The following CTNNA3 variants were observed in gnomAD, a reference collection of about 807,000 sequenced individuals.
CTNNA3 encodes catenin alpha-3.
Under a neutral mutation model 95.7 loss-of-function variants are expected in CTNNA3, and 76 were observed. That is an observed-to-expected ratio of 0.79 (90% CI 0.66 to 0.96). The LOEUF is 0.96. CTNNA3 is among the 40% of genes least tolerant of loss of function. The pLI is 0.00. For synonymous variants in CTNNA3, 431 were observed against 374.4 expected (o/e 1.15, Z -1.74); for missense variants, 1,191 against 1,089.8 (o/e 1.09, Z -1.31).
intron 5 of CTNNA3, among the ~76,000 whole-genome samples, chr10:67,340,925 G>A (rs1842161126): frequency 6.6e-6 from 1 of 152,106 alleles, no homozygotes; most frequent in Non-Finnish European, 1.5e-5. Context: ...CATATTAAAG[G>A]GATGGAGGAA....
chr10:66,015,257 C>A (rs2079072884), intron 15 of CTNNA3, among the ~76,000 whole-genome samples: 1 of 152,036 alleles, frequency 6.6e-6, no homozygotes, highest in South Asian at 2.1e-4. Flanking sequence ...TTAACCATAT[C>A]AACACCTAAT....
chr10:66,266,822 C>T (rs1010175584), intron 13 of CTNNA3, among the ~76,000 whole-genome samples: 1 of 151,906 alleles, frequency 6.6e-6, no homozygotes, highest in South Asian at 2.1e-4. Flanking sequence ...ATTAGTATTA[C>T]CTGTATCACT....
chr10:66,667,562 A>T (rs995925147), intron 9 of CTNNA3, among the ~76,000 whole-genome samples: 12 of 152,044 alleles, frequency 7.9e-5, no homozygotes, highest in African/African-American at 2.9e-4. Context: ...TTATTTGTAC[A>T]CTCTGAGAAA....
chr10:66,764,363 G>A (rs1369375763), intron 9 of CTNNA3, among the ~76,000 whole-genome samples: 2 of 152,150 alleles, frequency 1.3e-5, no homozygotes, highest in Non-Finnish European at 2.9e-5. Context: ...CTCGAAGGTA[G>A]TGTCTTAGTA....
At chr10:66,442,188 C>A (rs72791534) in intron 11 of CTNNA3, among the ~76,000 whole-genome samples, 7,509 of 152,090 alleles carry the variant, frequency 0.049, 263 homozygotes, top group East Asian at 0.11. Context: ...TTATAAGTAA[C>A]CCTGTAGCAA....
At chr10:67,146,127 T>C (rs189906253) in intron 7 of CTNNA3, among the ~76,000 whole-genome samples, 13 of 152,284 alleles carry the variant, frequency 8.5e-5, no homozygotes, top group Admixed American at 6.5e-4. Flanking sequence ...TCAGATACTT[T>C]CTTGAAATTT....
intron 13 of CTNNA3, among the ~76,000 whole-genome samples, chr10:66,229,391 T>C (rs1455375192): frequency 6.6e-6 from 1 of 152,192 alleles, no homozygotes; most frequent in East Asian, 1.9e-4. Context: ...TCTTATGCAA[T>C]TCACGTGGGG....
At chr10:67,703,464 G>T (rs994335883) in intron 1 of CTNNA3, among the ~76,000 whole-genome samples, 2 of 152,112 alleles carry the variant, frequency 1.3e-5, no homozygotes, top group Non-Finnish European at 2.9e-5. Context: ...TGCAAGGCTG[G>T]TTCAATATAC....
chr10:66,478,399 T>C (rs973935660), intron 11 of CTNNA3, among the ~76,000 whole-genome samples: 3 of 152,066 alleles, frequency 2.0e-5, no homozygotes, highest in Non-Finnish European at 2.9e-5. Flanking sequence ...ATATTAAGCA[T>C]GTTCAGCTTT....
chr10:66,853,761 T>C (rs946589363), intron 7 of CTNNA3, among the ~76,000 whole-genome samples: 2 of 152,088 alleles, frequency 1.3e-5, no homozygotes, highest in Non-Finnish European at 1.5e-5. Flanking sequence ...CAAGCAATCA[T>C]TTTATTTTTC....
chr10:66,831,434 A>G (rs1281379185), intron 7 of CTNNA3, among the ~76,000 whole-genome samples: 1 of 152,094 alleles, frequency 6.6e-6, no homozygotes, highest in South Asian at 2.1e-4. Context: ...AACATTTCCT[A>G]TGCCCAATCC....
At chr10:67,339,716 T>TAA (rs1402693412) in intron 5 of CTNNA3, among the ~76,000 whole-genome samples, 7 of 152,334 alleles carry the variant, frequency 4.6e-5, no homozygotes, top group African/African-American at 1.7e-4. Flanking sequence ...AATACTCTTA[T>TAA]GTTGAAATAG....
intron 10 of CTNNA3, among the ~76,000 whole-genome samples, chr10:66,616,724 C>A (rs1478608415): frequency 6.6e-6 from 1 of 152,060 alleles, no homozygotes; most frequent in South Asian, 2.1e-4. Flanking sequence ...AAACTCAGGG[C>A]CACCCTATTA....
At chr10:66,932,187 T>C (rs1200229791) in intron 7 of CTNNA3, among the ~76,000 whole-genome samples, 3 of 152,192 alleles carry the variant, frequency 2.0e-5, no homozygotes, top group African/African-American at 7.2e-5. Flanking sequence ...GAGGTGATGA[T>C]TCATGGATAA....
chr10:66,155,603 C>T (rs781365325), intron 13 of CTNNA3, among the ~76,000 whole-genome samples: 10 of 151,626 alleles, frequency 6.6e-5, no homozygotes, highest in East Asian at 3.9e-4. Context: ...CTGTGGGGAG[C>T]GGAGGACCAT....
intron 7 of CTNNA3, among the ~76,000 whole-genome samples, chr10:67,126,818 C>G (rs1009078722): frequency 6.6e-6 from 1 of 152,190 alleles, no homozygotes; most frequent in Non-Finnish European, 1.5e-5. Flanking sequence ...CAATGAGACA[C>G]TCTGAGCCTT....
At chr10:67,691,042 C>T (rs1372245317) in intron 1 of CTNNA3, among the ~76,000 whole-genome samples, 3 of 152,214 alleles carry the variant, frequency 2.0e-5, no homozygotes, top group African/African-American at 4.8e-5. Flanking sequence ...CAGGCGCGCG[C>T]CGCCACGCCT....
At chr10:67,625,275 T>A (rs1338794883) in intron 2 of CTNNA3, among the ~76,000 whole-genome samples, 2 of 152,214 alleles carry the variant, frequency 1.3e-5, no homozygotes, top group Non-Finnish European at 2.9e-5. Context: ...GAGGACCTAC[T>A]CAGTGTCACA....
chr10:67,386,739 T>C (rs1324471740), intron 5 of CTNNA3, among the ~76,000 whole-genome samples: 1 of 152,210 alleles, frequency 6.6e-6, no homozygotes, highest in East Asian at 1.9e-4. Flanking sequence ...CATTTACTTA[T>C]GACTGAAATA....
Sources: allele counts gnomAD v4.1 joint callset (sites outside exome capture counted in the v4.1 genomes callset), GRCh38; gene constraint gnomAD v4.1.1; transcripts MANE v1.5; gene names NCBI Gene and HGNC (gene_info 2026-07-23, HGNC 2026-07-21).